ADAMTSL1: variants seen among roughly 807,000 people sequenced by gnomAD.
ADAMTSL1 encodes the protein ADAMTS-like protein 1.
A neutral mutation model predicts 201.8 loss-of-function variants in ADAMTSL1; 126 were observed. The observed-to-expected ratio is 0.62, with a 90% CI of 0.54 to 0.72. The LOEUF is 0.72. ADAMTSL1 is among the 30% of genes least tolerant of loss of function. The pLI, the probability that ADAMTSL1 is intolerant of heterozygous loss-of-function variation, is 0.00. For synonymous variants in ADAMTSL1, 1,121 were observed against 903.4 expected, an observed-to-expected ratio of 1.24 and a Z score of -4.32; for missense variants, 2,679 against 2,277.8, an observed-to-expected ratio of 1.18 and a Z score of -3.59.
At chr9:18,649,226 C>T (rs370555234) in intron 7 of ADAMTSL1, among the ~76,000 whole-genome samples, 1 of 152,188 alleles carries the variant, frequency 6.6e-6, no homozygotes, top group African/African-American at 2.4e-5. Flanking sequence ...CGCGCCTTGG[C>T]TTTCAGCTCC....
At position 18,777,793 on chromosome 9, in the gene ADAMTSL1, G is replaced by C. The variant is rs200536200; in HGVS notation, c.3564G>C (p.Thr1188=). 1 of 1,613,654 alleles carries C rather than the reference G, an allele frequency of 6.2e-7. No homozygotes were observed. Among genetic ancestry groups the C allele is most frequent in the East Asian group, 2.2e-5 (1 of 44,874 alleles). ...ASEVVTHLGQ[T]VALASGTLSV... is the part of the protein sequence containing the mutation. ...AGGTGGTCACCCACCTGGGGCAGAC[G>C]GTGGCCCTGGCCAGCGGGACACTGA... Residue 1188 remains threonine, a synonymous_variant, in exon 19 of 29, where the codon ACG becomes ACC. Coordinates refer to ENST00000380548, the MANE Select transcript of ADAMTSL1 (RefSeq NM_001040272.6).
intron 4 of ADAMTSL1, among the ~76,000 whole-genome samples, chr9:18,584,915 A>G (rs1460650947): frequency 1.3e-5 from 2 of 152,310 alleles, no homozygotes; most frequent in African/African-American, 2.4e-5. Flanking sequence ...ATAAATTTCC[A>G]TTTATTATAA....
chr9:18,873,161 A>G (rs1827962441), intron 23 of ADAMTSL1, among the ~76,000 whole-genome samples: 1 of 151,730 alleles, frequency 6.6e-6, no homozygotes, highest in South Asian at 2.1e-4. Context: ...CCACTTATGG[A>G]TAGGATTATT....
chr9:18,597,777 A>G (rs1225511619), intron 4 of ADAMTSL1, among the ~76,000 whole-genome samples: 1 of 152,132 alleles, frequency 6.6e-6, no homozygotes, highest in African/African-American at 2.4e-5. Context: ...AATGAAAAAA[A>G]TTTAAAGCAT....
At chr9:18,563,985 C>T (rs1306269790) in intron 3 of ADAMTSL1, among the ~76,000 whole-genome samples, 2 of 152,192 alleles carry the variant, frequency 1.3e-5, no homozygotes, top group African/African-American at 4.8e-5. Context: ...GACCACTTGG[C>T]TCCCTGGCTT....
At chr9:18,898,390 G>A (rs940257726) in intron 26 of ADAMTSL1, among the ~76,000 whole-genome samples, 4 of 152,110 alleles carry the variant, frequency 2.6e-5, no homozygotes, top group South Asian at 2.1e-4. Context: ...TATCAATAGC[G>A]GAATAGACCA....
intron 2 of ADAMTSL1, among the ~76,000 whole-genome samples, chr9:18,271,974 C>T (rs13294139): frequency 5.5e-5 from 8 of 145,896 alleles, no homozygotes; most frequent in African/African-American, 2.0e-4. Context: ...TAAATGTCTT[C>T]TTTTGAGAAG....
At chr9:18,500,803 C>G (rs1237113128) in intron 1 of ADAMTSL1, among the ~76,000 whole-genome samples, 1 of 152,180 alleles carries the variant, frequency 6.6e-6, no homozygotes, top group Non-Finnish European at 1.5e-5. Flanking sequence ...GATACATCTA[C>G]TACTAGTGAA....
At chr9:18,130,175 C>T (rs1183137186) in intron 1 of ADAMTSL1, among the ~76,000 whole-genome samples, 1 of 152,136 alleles carries the variant, frequency 6.6e-6, no homozygotes, top group Non-Finnish European at 1.5e-5. Flanking sequence ...CTTGTCTCTC[C>T]TTGCTCCACA....
intron 1 of ADAMTSL1, among the ~76,000 whole-genome samples, chr9:18,136,515 G>A (rs1352702550): frequency 2.0e-5 from 3 of 152,104 alleles, no homozygotes; most frequent in Admixed American, 2.0e-4. Flanking sequence ...ATGCAAGGGT[G>A]AAGTGCTTTA....
In ADAMTSL1 at chr9:18,579,499, AAAAT is replaced by A. The variant is rs1303237615; in HGVS notation, c.474+5245_474+5248del. On this transcript the variant is annotated intron_variant, in intron 4 of 28. Transcript: ENST00000380548. ...ACCCTAAAACTTAAAGTATAATTAAAAAATAAATAAATAAAAAAAATAAAGTGCT... is the reference window on the plus strand; with the variant it reads ...ACCCTAAAACTTAAAGTATAATTAAAAAATAAATAAAAAAAATAAAGTGCT... 3.3e-5 allele frequency among the ~76,000 whole-genome samples: 5 copies of A among 152,156 alleles called. No individual in the cohort carries two copies. The East Asian group carries it at 9.7e-4, about 29-fold the overall frequency.
At chr9:18,828,757 C>A (rs1824786844) in intron 22 of ADAMTSL1, among the ~76,000 whole-genome samples, 1 of 142,540 alleles carries the variant, frequency 7.0e-6, no homozygotes, top group Non-Finnish European at 1.5e-5. Flanking sequence ...TCTAGTTCAT[C>A]ATTGTTTTCT....
intron 15 of ADAMTSL1, among the ~76,000 whole-genome samples, chr9:18,729,155 T>C (rs563047522): frequency 1.3e-5 from 2 of 152,322 alleles, no homozygotes; most frequent in East Asian, 3.9e-4. Flanking sequence ...CCTAGCCACC[T>C]GGCAGGAGGA....
At chr9:18,243,722 G>C (rs1234810490) in intron 2 of ADAMTSL1, among the ~76,000 whole-genome samples, 4 of 151,716 alleles carry the variant, frequency 2.6e-5, no homozygotes, top group Admixed American at 2.6e-4. Context: ...TTCCAGTCAA[G>C]ACTTTCAGTC....
At chr9:18,803,213 C>T (rs967204560) in intron 20 of ADAMTSL1, among the ~76,000 whole-genome samples, 2 of 152,186 alleles carry the variant, frequency 1.3e-5, no homozygotes, top group Non-Finnish European at 2.9e-5. Flanking sequence ...TTTTCCTCTC[C>T]ATTTGAGTTG....
chr9:18,026,501 A>C (rs890365252), intron 1 of ADAMTSL1, among the ~76,000 whole-genome samples: 13 of 152,024 alleles, frequency 8.6e-5, no homozygotes, highest in Non-Finnish European at 1.8e-4. Context: ...TTATGTGGTG[A>C]ATCACATTTA....
At chr9:18,587,233 G>A (rs1222068048) in intron 4 of ADAMTSL1, among the ~76,000 whole-genome samples, 1 of 152,016 alleles carries the variant, frequency 6.6e-6, no homozygotes, top group African/African-American at 2.4e-5. Flanking sequence ...GCATGTATAA[G>A]GAACTTAAAC....
intron 5 of ADAMTSL1, 78 bp downstream of exon 5, chr9:18,622,447 G>T: frequency 1.3e-6 from 2 of 1,595,652 alleles, no homozygotes; most frequent in South Asian, 1.1e-5. Context: ...CCACTAAACA[G>T]CCAGGGAACA....
intron 4 of ADAMTSL1, among the ~76,000 whole-genome samples, chr9:18,604,033 C>T (rs532046307): frequency 6.6e-6 from 1 of 152,342 alleles, no homozygotes; most frequent in South Asian, 2.1e-4. Context: ...TATCCCTATG[C>T]ATTTGGGTTG....
Sources: allele counts gnomAD v4.1 joint callset (sites outside exome capture counted in the v4.1 genomes callset), GRCh38; gene constraint gnomAD v4.1.1; transcripts MANE v1.5; gene names NCBI Gene and HGNC (gene_info 2026-07-23, HGNC 2026-07-21).